The following STAU1 variants were observed in gnomAD, a reference collection of about 807,000 sequenced individuals.
The protein encoded by STAU1 is double-stranded RNA-binding protein Staufen homolog 1.
A neutral mutation model predicts 62.9 loss-of-function variants in STAU1; 13 were observed. That is an observed-to-expected ratio of 0.21 (90% confidence interval 0.13 to 0.33). The LOEUF (loss-of-function observed/expected upper bound fraction) is 0.33, where lower values mean the gene tolerates loss of function less well. Ranked by LOEUF, STAU1 falls within the 10% of genes least tolerant of loss-of-function variation. The probability of loss-of-function intolerance (pLI) is 1.00; values close to 1 mark genes in which losing one functional copy is unlikely to be tolerated. For missense variants in STAU1, 571 were observed against 712.1 expected, an observed-to-expected ratio of 0.80 and a Z score of 2.25; for synonymous variants, 269 against 265.1, an observed-to-expected ratio of 1.01 and a Z score of -0.14.
intron 6 of STAU1, among the ~76,000 whole-genome samples, chr20:49,126,587 A>AACAAAAAAAAACCAAAACAAAAC: frequency 1.6e-5 from 1 of 62,488 alleles, no homozygotes; most frequent in Admixed American, 1.3e-4. Flanking sequence ...AAAAAAAAAA[A>AACAAAAAAAAACCAAAACAAAAC]CAAAAAAAAA....
intron 3 of STAU1, among the ~76,000 whole-genome samples, chr20:49,162,428 G>A (rs2093462542): frequency 1.3e-5 from 2 of 152,136 alleles, no homozygotes; most frequent in Non-Finnish European, 2.9e-5. Context: ...AGGAATTGTG[G>A]GGGTGGCATG....
upstream of STAU1, among the ~76,000 whole-genome samples, chr20:49,191,172 C>T (rs537841935): frequency 2.0e-5 from 3 of 152,046 alleles, no homozygotes; most frequent in South Asian, 2.1e-4. Flanking sequence ...AGACTACAGG[C>T]GCTTGCCACC....
intron 5 of STAU1, among the ~76,000 whole-genome samples, chr20:49,145,014 G>A (rs2093095236): frequency 6.6e-6 from 1 of 152,150 alleles, no homozygotes; most frequent in African/African-American, 2.4e-5. Flanking sequence ...AAGACAGAAA[G>A]AGTTTTGCAC....
At position 49,120,740 on chromosome 20, in the gene STAU1, C is replaced by T. The variant is rs146895115; in HGVS notation, c.967-612G>A. Among the ~76,000 whole-genome samples, 506 of 152,292 alleles carry T rather than the reference C, an allele frequency of 3.3e-3. 3 individuals are homozygous for T. The highest frequency in any genetic ancestry group is 0.012 in the African/African-American group (483 of 41,566). On this transcript the variant is annotated intron_variant, in intron 8 of 13. Coordinates refer to ENST00000371856, the MANE Select transcript of STAU1 (RefSeq NM_017453.4). Reference sequence around the variant, plus strand: ...AAATTATCTAATTTTGCAGAGAAGCCACTCATATCATTTACAAATGAGTGA... The same window carrying T: ...AAATTATCTAATTTTGCAGAGAAGCTACTCATATCATTTACAAATGAGTGA...
chr20:49,173,370 C>G (rs2093621580), intron 2 of STAU1, among the ~76,000 whole-genome samples: 1 of 152,026 alleles, frequency 6.6e-6, no homozygotes, highest in African/African-American at 2.4e-5. Context: ...GGCAGGAGAA[C>G]TGCTTGAACC....
chr20:49,120,755 C>T (rs2092447185), intron 8 of STAU1, among the ~76,000 whole-genome samples: 1 of 152,186 alleles, frequency 6.6e-6, no homozygotes. Context: ...ATATCATTTA[C>T]AAATGAGTGA....
the STAU1 span, among the ~76,000 whole-genome samples, chr20:49,209,309 G>C: frequency 6.6e-6 from 1 of 151,280 alleles, no homozygotes; most frequent in Admixed American, 6.6e-5. Context: ...GTATGGGGAA[G>C]AACTGGCTTC....
At chr20:49,200,373 C>T in the STAU1 span, among the ~76,000 whole-genome samples, 675 of 152,134 alleles carry the variant, frequency 4.4e-3, 6 homozygotes, top group African/African-American at 0.015. Flanking sequence ...CCGACGCGGG[C>T]GGATCACAAG....
intron 2 of STAU1, among the ~76,000 whole-genome samples, chr20:49,173,130 C>T (rs946105140): frequency 6.7e-6 from 1 of 150,126 alleles, no homozygotes; most frequent in African/African-American, 2.4e-5. Flanking sequence ...AGGCGTGAGC[C>T]ACTGCGCCCA....
chr20:49,144,332 G>A (rs1441739304), intron 5 of STAU1, among the ~76,000 whole-genome samples: 7 of 151,642 alleles, frequency 4.6e-5, no homozygotes, highest in African/African-American at 1.5e-4. Flanking sequence ...GGTTCTTGTC[G>A]AAAAATGTTG....
rs903212752 is a variant in STAU1 at position 49,180,026 on chromosome 20, A to C, written c.-159-5757T>G. 6.6e-5 allele frequency among the ~76,000 whole-genome samples: 10 copies of C among 152,226 alleles called. No individual in the cohort carries two copies. In the South Asian group the frequency reaches 2.1e-3, roughly 31 times the overall value. On this transcript the variant is annotated intron_variant, in intron 1 of 13. Transcript: ENST00000371856. ...GCCTTTCAAGACTAACCATAAGAGA[A>C]GACTGCCCAGGTGGAATACCAAAGA...
rs1418479531 is a variant in STAU1, at chr20:49,117,317, T to C, written c.1510-69A>G. ...TATGAGTGGGCTGGAGGGCTGCAGC[T>C]CCAGGCCCCACAAGCAAGATCACCA... On this transcript the variant is annotated intron_variant, in intron 11 of 13. Transcript: ENST00000371856. This position sits in a 1 kb window ranked among gnomAD's most constrained non-coding sequence, Gnocchi z 4.6. 2 of 1,571,634 alleles carry C rather than the reference T, an allele frequency of 1.3e-6. No individual in the cohort carries two copies. Among genetic ancestry groups the C allele is most frequent in the East Asian group, 4.5e-5 (2 of 44,596 alleles).
chr20:49,208,940 T>A, the STAU1 span, among the ~76,000 whole-genome samples: 9 of 149,680 alleles, frequency 6.0e-5, no homozygotes, highest in South Asian at 1.3e-3. Flanking sequence ...CTTTTTTTTT[T>A]ATTCATTTAT....
At chr20:49,149,290 A>ACACC (rs57664395) in intron 5 of STAU1, among the ~76,000 whole-genome samples, 6 of 147,322 alleles carry the variant, frequency 4.1e-5, no homozygotes, top group East Asian at 2.0e-4. Flanking sequence ...ACACACACAC[A>ACACC]CCAGCAAGAA....
chr20:49,151,304 A>T (rs1016166346), intron 5 of STAU1, among the ~76,000 whole-genome samples: 1 of 152,226 alleles, frequency 6.6e-6, no homozygotes, highest in African/African-American at 2.4e-5. Context: ...AACTCAACTG[A>T]ATCACAAACT....
intron 3 of STAU1, among the ~76,000 whole-genome samples, chr20:49,155,450 C>T (rs2093342888): frequency 6.6e-6 from 1 of 152,070 alleles, no homozygotes; most frequent in Admixed American, 6.6e-5. Context: ...AAAAGAAAAC[C>T]AGCCTGGAAA....
At chr20:49,125,988 G>A (rs989286650) in intron 6 of STAU1, among the ~76,000 whole-genome samples, 18 of 152,012 alleles carry the variant, frequency 1.2e-4, no homozygotes, top group Non-Finnish European at 1.8e-4. Flanking sequence ...CAACAAAGAT[G>A]GGGAAAGAAT....
At chr20:49,135,755 T>A in intron 6 of STAU1, 78 bp downstream of exon 6, 1 of 1,046,200 alleles carries the variant, frequency 9.6e-7, no homozygotes, top group African/African-American at 1.6e-5. Context: ...CCAATGATAT[T>A]TAGGGGAAAA....
intron 8 of STAU1, 100 bp downstream of exon 8, chr20:49,122,992 T>A: frequency 7.7e-7 from 1 of 1,302,536 alleles, no homozygotes. Context: ...GCCCACAGGA[T>A]CCAGCCTCCT....
Sources: gnomAD v4.1 joint callset for allele counts (sites outside exome capture counted in the v4.1 genomes callset) on GRCh38, gnomAD v4.1.1 for gene constraint, Gnocchi (gnomAD v3.1) non-coding constraint, MANE v1.5 for transcripts, NCBI Gene and HGNC (gene_info 2026-07-23, HGNC 2026-07-21) for gene names.